Variants in SLCO1B3 observed in about 807,000 individuals in gnomAD.
SLCO1B3 encodes liver-specific organic anion transporter 2.
A neutral mutation model predicts 71.8 loss-of-function variants in SLCO1B3; 72 were observed. The ratio of observed to expected loss-of-function variants is 1.00; its 90% CI spans 0.83 to 1.22. The LOEUF is 1.22. SLCO1B3 is among the 50% of genes most tolerant of loss of function. The pLI is 0.00. For missense variants in SLCO1B3, 911 were observed against 819.7 expected, an observed-to-expected ratio of 1.11 and a Z score of -1.36; for synonymous variants, 298 against 278.4, an observed-to-expected ratio of 1.07 and a Z score of -0.70.
chr12:20,900,012 C>A (rs1469513093), intron 14 of SLCO1B3, among the ~76,000 whole-genome samples: 3 of 152,130 alleles, frequency 2.0e-5, no homozygotes, highest in Non-Finnish European at 2.9e-5. Context: ...AATAGGTTAT[C>A]AGAAGATTTA....
chr12:20,910,235 T>C (rs1294552526), intron 15 of SLCO1B3, among the ~76,000 whole-genome samples: 2 of 152,210 alleles, frequency 1.3e-5, no homozygotes, highest in Non-Finnish European at 2.9e-5. Flanking sequence ...GTAGTACCTT[T>C]ATGTTTTTCT....
At chr12:20,904,381 TA>T (rs2120404064) in intron 15 of SLCO1B3, among the ~76,000 whole-genome samples, 1 of 152,156 alleles carries the variant, frequency 6.6e-6, no homozygotes, top group East Asian at 1.9e-4. Flanking sequence ...GGGCAGTCAT[TA>T]AATCTTAAAG....
intron 3 of SLCO1B3, among the ~76,000 whole-genome samples, chr12:20,823,675 G>A (rs773266215): frequency 3.3e-5 from 5 of 152,220 alleles, no homozygotes; most frequent in African/African-American, 4.8e-5. Context: ...TTTGCACTAC[G>A]AATGTAAGAT....
chr12:20,815,552 T>C (rs1320809669), intron 2 of SLCO1B3, 122 bp from the exon 3 acceptor site: 2 of 488,370 alleles, frequency 4.1e-6, no homozygotes, highest in South Asian at 2.8e-5. Context: ...GGTCAGGAAA[T>C]AGCAGGCCCT....
At chr12:20,868,124 A>G (rs1462442224) in intron 8 of SLCO1B3, among the ~76,000 whole-genome samples, 1 of 152,206 alleles carries the variant, frequency 6.6e-6, no homozygotes, top group African/African-American at 2.4e-5. Context: ...TACAGCATGC[A>G]AAATATATGT....
intron 3 of SLCO1B3, among the ~76,000 whole-genome samples, chr12:20,831,785 A>C (rs1256225151): frequency 6.6e-6 from 1 of 152,206 alleles, no homozygotes; most frequent in Non-Finnish European, 1.5e-5. Context: ...AAACAATGGT[A>C]AAAATAGATC....
chr12:20,894,230 A>G (rs958088919), intron 13 of SLCO1B3, among the ~76,000 whole-genome samples: 9 of 152,234 alleles, frequency 5.9e-5, no homozygotes, highest in Non-Finnish European at 4.4e-5. Flanking sequence ...GAGAGGTGCC[A>G]GCTGCTCAAT....
chr12:20,853,837 C>G lies in SLCO1B3; in HGVS notation c.85-1191C>G, dbSNP rs555803234. Among the ~76,000 whole-genome samples, 346 of 151,410 alleles carry G rather than the reference C, an allele frequency of 2.3e-3. 1 individual carries two copies. Among genetic ancestry groups the G allele is most frequent in the African/African-American group, 8.0e-3 (332 of 41,322 alleles). On this transcript the variant is annotated intron_variant, in intron 3 of 15. Coordinates refer to ENST00000381545, the MANE Select transcript of SLCO1B3 (RefSeq NM_019844.4). ...GTTATTTATTTGAGATTTTTCTTTC[C>G]TTAATATCAATTTATAAACTTTCCC...
At position 20,862,744 on chromosome 12, in the gene SLCO1B3, T is replaced by C. The variant is rs1437032016; in HGVS notation, c.629-12T>C. The stretch of plus-strand genomic sequence containing the variant: ...TGTGACATCTGATTAAATTGTTTTG[T>C]AATACTTACAGGTAGTTTGAATGCA... On this transcript the variant is annotated splice_polypyrimidine_tract_variant and intron_variant, in intron 7 of 15. Transcript: ENST00000381545. 1 of 1,589,692 alleles carries C rather than the reference T, an allele frequency of 6.3e-7. No individual in the cohort carries two copies. The highest frequency in any genetic ancestry group is 1.7e-4 in the Middle Eastern group (1 of 5,968).
intron 13 of SLCO1B3, among the ~76,000 whole-genome samples, chr12:20,888,393 C>G (rs923117092): frequency 1.3e-5 from 2 of 151,630 alleles, no homozygotes; most frequent in African/African-American, 4.8e-5. Flanking sequence ...TTTTGTAGTT[C>G]TCCTCGTAGA....
At chr12:20,828,289 A>G (rs1163289020) in intron 3 of SLCO1B3, among the ~76,000 whole-genome samples, 3 of 117,106 alleles carry the variant, frequency 2.6e-5, no homozygotes, top group African/African-American at 9.1e-5. Flanking sequence ...ACCTGTTGTA[A>G]GAACTATTTT....
At chr12:20,812,542 A>G (rs1864126867) in intron 1 of SLCO1B3, among the ~76,000 whole-genome samples, 1 of 152,216 alleles carries the variant, frequency 6.6e-6, no homozygotes, top group African/African-American at 2.4e-5. Flanking sequence ...CTGTTGGGAC[A>G]GTGGTTCCAT....
chr12:20,847,757 A>T (rs1311483751), intron 3 of SLCO1B3, among the ~76,000 whole-genome samples: 1 of 151,982 alleles, frequency 6.6e-6, no homozygotes, highest in African/African-American at 2.4e-5. Context: ...ATATACCATC[A>T]GGTGAACCAG....
At chr12:20,855,279 A>G (rs965886211) in intron 4 of SLCO1B3, 110 bp downstream of exon 4, 52 of 944,352 alleles carry the variant, frequency 5.5e-5, no homozygotes, top group Non-Finnish European at 5.8e-5. Context: ...TTTGTCTCTC[A>G]TGGGCAATTT....
Position 20,916,159 on chromosome 12 carries a change from T to G in SLCO1B3, c.2021T>G (p.Leu674Ter). ...KVMDEANLEF[L>*]NNGEHFVPSA... is the part of the protein sequence containing the mutation. Reference sequence around the variant, plus strand: ...ATGGATGAAGCAAACTTAGAATTCTTAAATAATGGTGAACATTTTGTACCT... The same window carrying G: ...ATGGATGAAGCAAACTTAGAATTCTGAAATAATGGTGAACATTTTGTACCT... Residue 674 changes from leucine (L) to a stop codon, truncating the protein, a stop_gained, in exon 16 of 16, where the codon TTA (leucine) becomes TGA (stop). Coordinates refer to ENST00000381545, the MANE Select transcript of SLCO1B3 (RefSeq NM_019844.4). LOFTEE classifies it low-confidence loss of function (END_TRUNC). 1 of 1,612,842 alleles carries G rather than the reference T, an allele frequency of 6.2e-7. No individual in the cohort carries two copies. Among genetic ancestry groups the G allele is most frequent in the Non-Finnish European group, 8.5e-7 (1 of 1,178,976 alleles).
intron 15 of SLCO1B3, among the ~76,000 whole-genome samples, chr12:20,909,116 G>A (rs964211224): frequency 2.0e-5 from 3 of 150,582 alleles, no homozygotes; most frequent in Non-Finnish European, 4.4e-5. Context: ...TTGTTTAAAT[G>A]TGCATTTGCT....
chr12:20,910,608 A>T (rs6487176), intron 15 of SLCO1B3, among the ~76,000 whole-genome samples: 119,510 of 152,104 alleles, frequency 0.79, 51,395 homozygotes, highest in South Asian at 0.95. Flanking sequence ...ATCACTTCAT[A>T]TTTTAGTGCT....
intron 13 of SLCO1B3, among the ~76,000 whole-genome samples, chr12:20,898,068 A>G (rs1020843235): frequency 6.6e-6 from 1 of 152,206 alleles, no homozygotes; most frequent in African/African-American, 2.4e-5. Flanking sequence ...CTCCTGGATA[A>G]AAGTATATAA....
chr12:20,859,271 G>A (rs939090572), intron 5 of SLCO1B3, among the ~76,000 whole-genome samples: 11 of 152,158 alleles, frequency 7.2e-5, no homozygotes, highest in African/African-American at 2.2e-4. Flanking sequence ...TCACATTTAC[G>A]GGAAGTCAGT....
Sources: gnomAD v4.1 joint callset for allele counts (sites outside exome capture counted in the v4.1 genomes callset) on GRCh38, gnomAD v4.1.1 for gene constraint, MANE v1.5 for transcripts, NCBI Gene and HGNC (gene_info 2026-07-23, HGNC 2026-07-21) for gene names.